GPC5: variants seen among roughly 807,000 people sequenced by gnomAD.
GPC5 encodes glypican-5.
A neutral mutation model predicts 53.9 loss-of-function variants in GPC5; 47 were observed. The observed-to-expected ratio is 0.87, with a 90% CI of 0.69 to 1.11. The LOEUF (loss-of-function observed/expected upper bound fraction) is 1.11. Among genes scored for constraint, GPC5 ranks in the 50% most tolerant of loss-of-function variants. The pLI is 0.00. For synonymous variants in GPC5, 286 were observed against 263.3 expected (o/e 1.09, Z -0.84); for missense variants, 748 against 713.1 (o/e 1.05, Z -0.56).
At chr13:92,397,274 G>A (rs920530566) in intron 7 of GPC5, among the ~76,000 whole-genome samples, 5 of 152,246 alleles carry the variant, frequency 3.3e-5, no homozygotes, top group Non-Finnish European at 5.9e-5. Context: ...TGGGGGCTGG[G>A]GGGGGTTCCC....
At chr13:92,788,319 C>T (rs571750774) in intron 7 of GPC5, among the ~76,000 whole-genome samples, 63 of 151,790 alleles carry the variant, frequency 4.2e-4, no homozygotes, top group African/African-American at 1.5e-3. Flanking sequence ...ATTATAAAAA[C>T]CTGAATTCTA....
intron 7 of GPC5, among the ~76,000 whole-genome samples, chr13:92,303,897 T>A (rs949246380): frequency 1.3e-5 from 2 of 152,144 alleles, no homozygotes; most frequent in African/African-American, 2.4e-5. Context: ...TATAAGTGCA[T>A]AAACTAGGAG....
chr13:92,502,811 A>G (rs191561451), intron 7 of GPC5, among the ~76,000 whole-genome samples: 174 of 152,130 alleles, frequency 1.1e-3, no homozygotes, highest in African/African-American at 4.1e-3. Flanking sequence ...AATAGGTGAG[A>G]ATGTTGACCT....
chr13:92,825,209 T>A (rs1877805962), intron 7 of GPC5, among the ~76,000 whole-genome samples: 1 of 152,032 alleles, frequency 6.6e-6, no homozygotes. Context: ...CTATCTGAGG[T>A]TTCAGTTGAA....
intron 6 of GPC5, among the ~76,000 whole-genome samples, chr13:91,965,156 A>G (rs1188172485): frequency 6.6e-6 from 1 of 152,064 alleles, no homozygotes; most frequent in Non-Finnish European, 1.5e-5. Context: ...TGGGTGCAGC[A>G]CACCAACATG....
At chr13:92,483,537 T>G (rs1879435290) in intron 7 of GPC5, among the ~76,000 whole-genome samples, 1 of 152,130 alleles carries the variant, frequency 6.6e-6, no homozygotes, top group Admixed American at 6.6e-5. Context: ...GAGTGGTGAG[T>G]GAATGTGAAG....
chr13:92,047,128 G>C (rs112593492), intron 6 of GPC5, among the ~76,000 whole-genome samples: 8 of 152,178 alleles, frequency 5.3e-5, no homozygotes, highest in African/African-American at 1.9e-4. Flanking sequence ...TCTTTTGTCT[G>C]TTTAGGGACC....
intron 5 of GPC5, among the ~76,000 whole-genome samples, chr13:91,789,292 A>G (rs1198754666): frequency 6.6e-6 from 1 of 152,222 alleles, no homozygotes; most frequent in East Asian, 1.9e-4. Context: ...AAGAAAGTTA[A>G]TATGTTTGAG....
chr13:92,004,483 T>C (rs975746443), intron 6 of GPC5, among the ~76,000 whole-genome samples: 4 of 136,118 alleles, frequency 2.9e-5, no homozygotes, highest in African/African-American at 2.8e-5. Context: ...TATATATATA[T>C]ATATATAATT....
intron 6 of GPC5, among the ~76,000 whole-genome samples, chr13:91,919,281 A>C (rs2039688137): frequency 6.6e-6 from 1 of 152,312 alleles, no homozygotes; most frequent in South Asian, 2.1e-4. Flanking sequence ...CCAATTTTAC[A>C]ATCACTCATC....
chr13:92,535,667 T>TG (rs773146572), intron 7 of GPC5, among the ~76,000 whole-genome samples: 2 of 119,558 alleles, frequency 1.7e-5, no homozygotes, highest in African/African-American at 3.7e-5. Context: ...TCTATGTTTA[T>TG]TAAAAAAAAA....
At chr13:92,042,543 CG>C (rs1566409056) in intron 6 of GPC5, among the ~76,000 whole-genome samples, 1 of 151,958 alleles carries the variant, frequency 6.6e-6, no homozygotes, top group East Asian at 1.9e-4. Flanking sequence ...CCACATACCA[CG>C]GGGAAAATAG....
At chr13:92,642,843 T>C (rs890371338) in intron 7 of GPC5, among the ~76,000 whole-genome samples, 16 of 152,296 alleles carry the variant, frequency 1.1e-4, no homozygotes, top group Admixed American at 3.3e-4. Context: ...CTGCAACAGA[T>C]GACAGGAGAC....
chr13:92,539,505 T>C (rs1881854020), intron 7 of GPC5, among the ~76,000 whole-genome samples: 3 of 152,176 alleles, frequency 2.0e-5, no homozygotes, highest in Admixed American at 1.3e-4. Flanking sequence ...TGTGCACTTT[T>C]TGATGGGGTT....
chr13:91,650,779 G>C (rs1405503060), intron 2 of GPC5, among the ~76,000 whole-genome samples: 5 of 75,212 alleles, frequency 6.6e-5, no homozygotes, highest in African/African-American at 4.1e-4. Flanking sequence ...TTTTAGCACA[G>C]AAGGCTAAAA....
chr13:92,715,128 G>T (rs1302544243), intron 7 of GPC5, among the ~76,000 whole-genome samples: 1 of 152,126 alleles, frequency 6.6e-6, no homozygotes, highest in African/African-American at 2.4e-5. Flanking sequence ...TGAGTACTCA[G>T]ATTTTGTACG....
intron 7 of GPC5, among the ~76,000 whole-genome samples, chr13:92,237,838 G>A (rs577129999): frequency 1.3e-5 from 2 of 152,118 alleles, no homozygotes; most frequent in African/African-American, 2.4e-5. Flanking sequence ...CTCATTCCCA[G>A]TACTAGGCAA....
At chr13:91,921,704 A>G (rs898818089) in intron 6 of GPC5, among the ~76,000 whole-genome samples, 2 of 151,924 alleles carry the variant, frequency 1.3e-5, no homozygotes, top group African/African-American at 4.8e-5. Flanking sequence ...CCAGCATGTT[A>G]GGAGCCTAAC....
intron 7 of GPC5, among the ~76,000 whole-genome samples, chr13:92,782,530 C>A (rs1427647030): frequency 2.0e-5 from 3 of 152,114 alleles, no homozygotes; most frequent in African/African-American, 7.2e-5. Flanking sequence ...GGAAGCCTTT[C>A]TGACTGTAAG....
Sources: allele counts gnomAD v4.1 joint callset (sites outside exome capture counted in the v4.1 genomes callset), GRCh38; gene constraint gnomAD v4.1.1; transcripts MANE v1.5; gene names NCBI Gene and HGNC (gene_info 2026-07-23, HGNC 2026-07-21).